The following EIPR1 variants were observed in gnomAD, a reference collection of about 807,000 sequenced individuals.
EIPR1 encodes EARP and GARP complex-interacting protein 1.
In EIPR1, 25 loss-of-function variants were observed where a neutral mutation model predicts 48.1. The ratio of observed to expected loss-of-function variants is 0.52; its 90% CI spans 0.38 to 0.73. The LOEUF (loss-of-function observed/expected upper bound fraction) is 0.73, where lower values mean the gene tolerates loss of function less well. EIPR1 is among the 30% of genes least tolerant of loss of function. EIPR1 has a pLI of 0.00. For missense variants in EIPR1, 415 were observed against 506.2 expected (o/e 0.82, Z 1.73); for synonymous variants, 204 against 201.9 (o/e 1.01, Z -0.09).
intron 2 of EIPR1, among the ~76,000 whole-genome samples, chr2:3,338,456 C>G (rs575144353): frequency 6.6e-6 from 1 of 152,198 alleles, no homozygotes; most frequent in Admixed American, 6.5e-5. Context: ...GCTCTTAGAC[C>G]GAGCCACTGT....
intron 3 of EIPR1, among the ~76,000 whole-genome samples, chr2:3,285,266 A>G (rs1668144346): frequency 7.0e-6 from 1 of 143,146 alleles, no homozygotes; most frequent in South Asian, 2.2e-4. Flanking sequence ...GCAAACCTCA[A>G]AGTCAGGGCT....
At chr2:3,342,529 C>G (rs552845499) in intron 2 of EIPR1, among the ~76,000 whole-genome samples, 1 of 152,336 alleles carries the variant, frequency 6.6e-6, no homozygotes, top group East Asian at 1.9e-4. Context: ...CCCAAGCTGG[C>G]CCCTCGGCCT....
intron 4 of EIPR1, among the ~76,000 whole-genome samples, chr2:3,243,214 A>C (rs1169087127): frequency 6.6e-6 from 1 of 152,194 alleles, no homozygotes; most frequent in Non-Finnish European, 1.5e-5. Flanking sequence ...CATGAGGGGA[A>C]TGGCTTTTTT....
intron 3 of EIPR1, among the ~76,000 whole-genome samples, chr2:3,295,331 T>TAC (rs1395434194): frequency 1.6e-4 from 19 of 115,794 alleles, no homozygotes; most frequent in African/African-American, 2.7e-4. Flanking sequence ...CCATCCTCTC[T>TAC]ACACACACAC....
At chr2:3,194,219 C>G (rs1664715246) in intron 6 of EIPR1, 53 bp from the exon 7 acceptor site, 1 of 1,597,784 alleles carries the variant, frequency 6.3e-7, no homozygotes, top group Admixed American at 1.7e-5. Flanking sequence ...TTAGGAAAAG[C>G]CACTGCGTGC....
chr2:3,347,267 G>A (rs1290751837), intron 2 of EIPR1, among the ~76,000 whole-genome samples: 1 of 152,204 alleles, frequency 6.6e-6, no homozygotes, highest in Non-Finnish European at 1.5e-5. Flanking sequence ...CAACAGACCT[G>A]AGGGTGTGAT....
At chr2:3,278,423 G>A (rs760166997) in intron 3 of EIPR1, among the ~76,000 whole-genome samples, 2 of 152,152 alleles carry the variant, frequency 1.3e-5, no homozygotes, top group Non-Finnish European at 2.9e-5. Flanking sequence ...TGGCCAGCCA[G>A]CCCTCTGAGA....
intron 4 of EIPR1, among the ~76,000 whole-genome samples, chr2:3,230,469 T>C (rs140876156): frequency 1.3e-5 from 2 of 152,212 alleles, no homozygotes; most frequent in Admixed American, 1.3e-4. Flanking sequence ...ATTTTGACTA[T>C]AATCCACCAC....
chr2:3,286,845 C>T lies in EIPR1; in HGVS notation c.260-29390G>A, dbSNP rs1342941087. ...TCCAAGAACACACCAGAGTGCCAGCCGGCAGAGGGGGCTGTGGGGAGCACA... is the reference window on the plus strand; with the variant it reads ...TCCAAGAACACACCAGAGTGCCAGCTGGCAGAGGGGGCTGTGGGGAGCACA... On this transcript the variant is annotated intron_variant, in intron 3 of 8. Coordinates refer to ENST00000382125, the MANE Select transcript of EIPR1 (RefSeq NM_003310.5). The surrounding 1 kb of genome is among the most constrained non-coding windows in gnomAD (Gnocchi z 4.2). 1.3e-5 allele frequency among the ~76,000 whole-genome samples: 2 copies of T among 152,034 alleles called. No homozygotes were observed. The highest frequency in any genetic ancestry group is 2.9e-5 in the Non-Finnish European group (2 of 68,014).
intron 5 of EIPR1, chr2:3,208,731 C>A: frequency 1.3e-6 from 2 of 1,548,690 alleles, no homozygotes; most frequent in Non-Finnish European, 1.7e-6. Flanking sequence ...GCGTGAGGCT[C>A]GTGGCGGGTC....
intron 5 of EIPR1, among the ~76,000 whole-genome samples, chr2:3,211,875 G>A (rs889578573): frequency 6.6e-6 from 1 of 152,250 alleles, no homozygotes; most frequent in African/African-American, 2.4e-5. Flanking sequence ...CACAGACACA[G>A]GACGGCCATC....
At chr2:3,247,578 G>A (rs537804191) in intron 4 of EIPR1, among the ~76,000 whole-genome samples, 26 of 152,248 alleles carry the variant, frequency 1.7e-4, no homozygotes, top group African/African-American at 4.8e-4. Context: ...TCAGGGCTCC[G>A]AAGGGCACTG....
At chr2:3,305,860 T>G (rs1049968895) in intron 3 of EIPR1, among the ~76,000 whole-genome samples, 35 of 152,370 alleles carry the variant, frequency 2.3e-4, no homozygotes, top group African/African-American at 7.7e-4. Flanking sequence ...AGGCGGTTCA[T>G]AGGCTCTGTT....
chr2:3,199,077 G>A (rs867737972), intron 5 of EIPR1, among the ~76,000 whole-genome samples: 21 of 48,962 alleles, frequency 4.3e-4, no homozygotes, highest in East Asian at 1.2e-3. Flanking sequence ...CCCCCGCCCC[G>A]GGAATGCATT....
At chr2:3,321,112 C>T (rs1208880916) in intron 3 of EIPR1, among the ~76,000 whole-genome samples, 1 of 152,202 alleles carries the variant, frequency 6.6e-6, no homozygotes, top group Non-Finnish European at 1.5e-5. Context: ...ACCACGCAGC[C>T]TCCCGGCCCA....
intron 4 of EIPR1, among the ~76,000 whole-genome samples, chr2:3,237,416 C>A (rs1364492707): frequency 6.6e-6 from 1 of 152,178 alleles, no homozygotes; most frequent in Admixed American, 6.5e-5. Flanking sequence ...AACCTTTAGT[C>A]CAGTCTATTG....
At chr2:3,251,309 G>GGGT (rs1267605099) in intron 4 of EIPR1, among the ~76,000 whole-genome samples, 1 of 152,170 alleles carries the variant, frequency 6.6e-6, no homozygotes, top group Non-Finnish European at 1.5e-5. Context: ...GCTAAAGGGA[G>GGGT]GGTGGGAAGA....
chr2:3,245,260 TG>T (rs1247791081), intron 4 of EIPR1, among the ~76,000 whole-genome samples: 2 of 152,210 alleles, frequency 1.3e-5, no homozygotes, highest in Non-Finnish European at 2.9e-5. Flanking sequence ...TCACCCAGGC[TG>T]GAGTGCAGTG....
At chr2:3,359,389 T>C (rs1267695789) in intron 1 of EIPR1, among the ~76,000 whole-genome samples, 2 of 152,210 alleles carry the variant, frequency 1.3e-5, no homozygotes, top group Non-Finnish European at 2.9e-5. Flanking sequence ...GAGAGCTGCA[T>C]ACCTGGAGAG....
Sources: allele counts gnomAD v4.1 joint callset (sites outside exome capture counted in the v4.1 genomes callset), GRCh38; gene constraint gnomAD v4.1.1; non-coding constraint Gnocchi (gnomAD v3.1); transcripts MANE v1.5; gene names NCBI Gene and HGNC (gene_info 2026-07-23, HGNC 2026-07-21).